SRGAP2: variants seen among roughly 807,000 people sequenced by gnomAD.
The protein encoded by SRGAP2 is SLIT-ROBO Rho GTPase activating protein 2.
SRGAP2 carries 15 observed loss-of-function variants against 57.2 expected under a neutral mutation model. The observed-to-expected ratio is 0.26, with a 90% CI of 0.18 to 0.40. The LOEUF (loss-of-function observed/expected upper bound fraction) is 0.40. SRGAP2 is among the 10% of genes least tolerant of loss of function. SRGAP2 has a pLI of 1.00. For missense variants in SRGAP2, 520 were observed against 669.6 expected, an observed-to-expected ratio of 0.78 and a Z score of 2.47; for synonymous variants, 249 against 248.0, an observed-to-expected ratio of 1.00 and a Z score of -0.04.
intron 2 of SRGAP2, among the ~76,000 whole-genome samples, chr1:206,247,149 G>C (rs556768859): frequency 1.4e-5 from 2 of 147,894 alleles, no homozygotes; most frequent in Admixed American, 6.7e-5. Context: ...TATAGAGGTG[G>C]CAATTGAGGA....
At position 206,447,252 on chromosome 1, in the gene SRGAP2, C is replaced by A. The variant is rs79649920; in HGVS notation, c.2099+953C>A. ...GCTGAAAGCACAAGCCAGCCCAAAT[C>A]GGATTCTGTCTGAATTCAACATCTG... On this transcript the variant is annotated intron_variant, in intron 18 of 22. Coordinates refer to ENST00000573034, the MANE Select transcript of SRGAP2 (RefSeq NM_015326.5). Among the ~76,000 whole-genome samples, 1,347 of 152,262 alleles carry A rather than the reference C, an allele frequency of 8.8e-3. 21 individuals carry two copies. Among genetic ancestry groups the A allele is most frequent in the African/African-American group, 0.031 (1,286 of 41,542 alleles).
rs1306200818 is a variant in SRGAP2, at chr1:206,306,378, AGTT to A, written c.260+2909_260+2911del. On this transcript the variant is annotated intron_variant, in intron 3 of 22. Transcript: ENST00000573034. Reference sequence around the variant, plus strand: ...ACAGCTCTTAAGGCAGCGCGTCTGGAGTTGTTCGTTCCTCCCGGTGGGCTTGTG... The same window carrying A: ...ACAGCTCTTAAGGCAGCGCGTCTGGAGTTCGTTCCTCCCGGTGGGCTTGTG... 2.6e-5 allele frequency among the ~76,000 whole-genome samples: 4 copies of A among 151,478 alleles called. No homozygotes were observed. The East Asian group carries it at 5.8e-4, about 22-fold the overall frequency.
intron 2 of SRGAP2, among the ~76,000 whole-genome samples, chr1:206,274,807 A>AT (rs1670322918): frequency 1.3e-5 from 2 of 151,980 alleles, no homozygotes; most frequent in African/African-American, 4.8e-5. Flanking sequence ...CAACCGTATT[A>AT]TTTTTTCTCT....
chr1:206,412,221 A>G (rs1659283908), intron 10 of SRGAP2, among the ~76,000 whole-genome samples: 1 of 152,270 alleles, frequency 6.6e-6, no homozygotes, highest in Non-Finnish European at 1.5e-5. Context: ...CACTGCTGAC[A>G]GTTAATATCC....
At chr1:206,213,134 T>C (rs1311897098) in intron 2 of SRGAP2, among the ~76,000 whole-genome samples, 1 of 152,120 alleles carries the variant, frequency 6.6e-6, no homozygotes, top group African/African-American at 2.4e-5. Flanking sequence ...GAGGTTGCAA[T>C]GAGCTGAGAT....
At chr1:206,314,686 T>C (rs1558299719) in intron 3 of SRGAP2, among the ~76,000 whole-genome samples, 1 of 152,136 alleles carries the variant, frequency 6.6e-6, no homozygotes, top group Admixed American at 6.5e-5. Context: ...ATAGTAAGGG[T>C]TTAGAAGAAC....
chr1:206,328,378 G>T (rs1448438568), intron 3 of SRGAP2, among the ~76,000 whole-genome samples: 1 of 87,864 alleles, frequency 1.1e-5, no homozygotes, highest in African/African-American at 5.7e-5. Flanking sequence ...CTGAGGAATC[G>T]CCACACTGAC....
At chr1:206,444,336 G>A (rs2483062) in intron 17 of SRGAP2, among the ~76,000 whole-genome samples, 9,282 of 152,248 alleles carry the variant, frequency 0.061, 325 homozygotes, top group African/African-American at 0.069. Flanking sequence ...TCCTCTTCAA[G>A]CTCCTGGTCA....
intron 2 of SRGAP2, among the ~76,000 whole-genome samples, chr1:206,284,700 C>T (rs1405047010): frequency 5.3e-5 from 8 of 152,324 alleles, no homozygotes; most frequent in Non-Finnish European, 8.8e-5. Context: ...CCTCCCGCTT[C>T]GGCCTCCCAA....
Position 206,454,420 on chromosome 1 carries a change from G to A in SRGAP2, c.2361-458G>A, listed in dbSNP as rs1028048108. 24 of 552,124 alleles carry A rather than the reference G, an allele frequency of 4.3e-5. No individual in the cohort carries two copies. The highest frequency in any genetic ancestry group is 3.2e-4 in the African/African-American group (17 of 52,750). The allele number at this position is 552,124 out of a possible 1,614,324, so 34.2% of individuals were successfully genotyped here. On this transcript the variant is annotated intron_variant, in intron 20 of 22. Coordinates refer to ENST00000573034, the MANE Select transcript of SRGAP2 (RefSeq NM_015326.5). The surrounding 1 kb of genome is among the most constrained non-coding windows in gnomAD (Gnocchi z 4.3). ...CTCTGAGCGGGGCTAGAGGCGCTAC[G>A]ACAGTGTGTGGCGGTGTCCTGCCAC...
At chr1:206,347,584 A>G (rs1307025715) in intron 4 of SRGAP2, among the ~76,000 whole-genome samples, 2 of 150,824 alleles carry the variant, frequency 1.3e-5, no homozygotes, top group African/African-American at 5.0e-5. Context: ...CTCAGAAAAA[A>G]AGAAGAGAGA....
chr1:206,439,923 T>C, intron 16 of SRGAP2, 53 bp from the exon 17 acceptor site: 1 of 766,530 alleles, frequency 1.3e-6, no homozygotes, highest in Admixed American at 1.8e-5. Flanking sequence ...TGATCATTAC[T>C]GCCTGGGATC....
At chr1:206,436,734 G>A (rs1035440322) in intron 14 of SRGAP2, among the ~76,000 whole-genome samples, 5 of 152,210 alleles carry the variant, frequency 3.3e-5, no homozygotes, top group Admixed American at 6.5e-5. Flanking sequence ...AGTCGCCCTT[G>A]GAGTCAAAGG....
At chr1:206,430,661 G>A (rs1661209795) in intron 14 of SRGAP2, among the ~76,000 whole-genome samples, 1 of 152,194 alleles carries the variant, frequency 6.6e-6, no homozygotes, top group South Asian at 2.1e-4. Context: ...CTAATAATCA[G>A]TTTTTGTTCT....
chr1:206,463,689 A>G lies in SRGAP2; in HGVS notation c.*2269A>G, dbSNP rs1553381840. On this transcript the variant is annotated 3_prime_UTR_variant, in exon 23 of 23. Coordinates refer to ENST00000573034, the MANE Select transcript of SRGAP2 (RefSeq NM_015326.5). ...CTGAACAGTGTGTGAGTGGTCACCTACTAAACCCAGCTCTGGGGGCAGAGC... is the reference window on the plus strand; with the variant it reads ...CTGAACAGTGTGTGAGTGGTCACCTGCTAAACCCAGCTCTGGGGGCAGAGC... 6.6e-6 allele frequency: 1 copy of G among 152,596 alleles called. No homozygotes were observed. The highest frequency in any genetic ancestry group is 1.9e-4 in the East Asian group (1 of 5,192). 9.5% of individuals were successfully genotyped at this position (152,596 alleles called of 1,614,324 possible).
chr1:206,390,773 TAAGTA>T (rs1166191046), intron 5 of SRGAP2, among the ~76,000 whole-genome samples: 3 of 152,168 alleles, frequency 2.0e-5, no homozygotes, highest in Non-Finnish European at 4.4e-5. Context: ...CATTAGTTGT[TAAGTA>T]TTTTTTCTTC....
chr1:206,207,517 A>G (rs1666020209), intron 2 of SRGAP2: 1 of 151,632 alleles, frequency 6.6e-6, no homozygotes, highest in South Asian at 2.1e-4. Context: ...CACTGTTCAT[A>G]ATCCAGGCTT....
chr1:206,262,309 T>G (rs1179578172), intron 2 of SRGAP2, among the ~76,000 whole-genome samples: 3 of 150,182 alleles, frequency 2.0e-5, no homozygotes, highest in Admixed American at 6.6e-5. Flanking sequence ...TTTTGTTTTT[T>G]TTTTTTGAAA....
intron 19 of SRGAP2, among the ~76,000 whole-genome samples, chr1:206,451,774 C>T (rs1243881963): frequency 1.3e-5 from 2 of 152,116 alleles, no homozygotes; most frequent in South Asian, 2.1e-4. Flanking sequence ...CGCTATTTTA[C>T]AGTTGAGAAA....
Sources: allele counts gnomAD v4.1 joint callset (sites outside exome capture counted in the v4.1 genomes callset), GRCh38; gene constraint gnomAD v4.1.1; non-coding constraint Gnocchi (gnomAD v3.1); transcripts MANE v1.5; gene names NCBI Gene and HGNC (gene_info 2026-07-23, HGNC 2026-07-21).